PAK3: variants seen among roughly 807,000 people sequenced by gnomAD.
PAK3 encodes p21 (RAC1) activated kinase 3.
Under a neutral mutation model 41.0 loss-of-function variants are expected in PAK3, and 4 were observed. The ratio of observed to expected loss-of-function variants is 0.10; its 90% CI spans 0.05 to 0.22. The LOEUF (loss-of-function observed/expected upper bound fraction) is 0.22. PAK3 is among the 10% of genes least tolerant of loss of function. PAK3 has a pLI of 1.00. For synonymous variants in PAK3, 146 were observed against 139.6 expected (o/e 1.05, Z -0.32); for missense variants, 205 against 409.9 (o/e 0.50, Z 4.32).
At chrX:111,121,280 A>G (rs2093563387) in intron 4 of PAK3, among the ~76,000 whole-genome samples, 1 of 111,535 alleles carries the variant, frequency 9.0e-6, no homozygotes, top group Non-Finnish European at 1.9e-5. Context: ...TTAATTCATT[A>G]AGATAATGCA....
chrX:111,173,525 C>G (rs768008731), intron 11 of PAK3, among the ~76,000 whole-genome samples: 3 of 110,840 alleles, frequency 2.7e-5, no homozygotes, highest in African/African-American at 6.6e-5. Context: ...ATGGAATGAT[C>G]CGGAGGTAGG....
At chrX:111,023,358 G>T (rs781434191) in intron 1 of PAK3, among the ~76,000 whole-genome samples, 98 of 112,134 alleles carry the variant, frequency 8.7e-4, no homozygotes, top group African/African-American at 3.0e-3. Context: ...ACATACATGT[G>T]CATGTGTCTT....
intron 1 of PAK3, among the ~76,000 whole-genome samples, chrX:111,009,175 G>A (rs2091975518): frequency 9.0e-6 from 1 of 111,260 alleles, no homozygotes; most frequent in South Asian, 3.8e-4. Flanking sequence ...GAGGAAGGCA[G>A]GGCTCATTGC....
At chrX:111,025,058 A>G (rs2092249069) in intron 1 of PAK3, among the ~76,000 whole-genome samples, 2 of 111,689 alleles carry the variant, frequency 1.8e-5, no homozygotes, top group African/African-American at 6.5e-5. Context: ...CCTTGGGTAA[A>G]CAATGAAATT....
At chrX:111,212,741 A>G (rs2094835451) in intron 16 of PAK3, among the ~76,000 whole-genome samples, 2 of 112,457 alleles carry the variant, frequency 1.8e-5, no homozygotes, top group Admixed American at 1.9e-4. Flanking sequence ...ATTTTTGTGT[A>G]AATTGGACAC....
chrX:111,176,994 T>G (rs1400122476), intron 11 of PAK3, among the ~76,000 whole-genome samples: 1 of 106,610 alleles, frequency 9.4e-6, no homozygotes, highest in East Asian at 3.0e-4. Flanking sequence ...CACCTCCCAC[T>G]TATATTAACT....
At chrX:111,103,995 G>A (rs180769658) in intron 4 of PAK3, among the ~76,000 whole-genome samples, 3 of 112,142 alleles carry the variant, frequency 2.7e-5, no homozygotes, top group Non-Finnish European at 5.6e-5. Context: ...AGCTCTTCAA[G>A]GGCAGGGACT....
At chrX:111,212,358 T>G (rs1454046306) in intron 16 of PAK3, among the ~76,000 whole-genome samples, 2 of 112,101 alleles carry the variant, frequency 1.8e-5, no homozygotes, top group Non-Finnish European at 3.8e-5. Context: ...TACAACTGTA[T>G]TTGTCTCTCA....
intron 6 of PAK3, among the ~76,000 whole-genome samples, chrX:111,147,409 GA>G (rs889648223): frequency 3.6e-5 from 4 of 109,758 alleles, no homozygotes; most frequent in African/African-American, 1.3e-4. Context: ...TGAGTCGCCA[GA>G]AAAAAAATAA....
chrX:111,025,832 G>T (rs1243318106), intron 1 of PAK3, among the ~76,000 whole-genome samples: 2 of 96,667 alleles, frequency 2.1e-5, no homozygotes, highest in African/African-American at 7.9e-5. Context: ...ACCAGGAAAG[G>T]ATATAACAAA....
At chrX:110,988,528 G>A (rs1374457120) in intron 1 of PAK3, among the ~76,000 whole-genome samples, 1 of 111,664 alleles carries the variant, frequency 9.0e-6, no homozygotes, top group African/African-American at 3.3e-5. Context: ...CATTTCATGA[G>A]GCAATACTTA....
chrX:111,178,009 C>A (rs1402427472), intron 11 of PAK3, among the ~76,000 whole-genome samples: 1 of 111,188 alleles, frequency 9.0e-6, no homozygotes, highest in Admixed American at 9.6e-5. Flanking sequence ...ATCAATGAAC[C>A]TTTAATGAGT....
chrX:111,018,142 T>C (rs1312836268), intron 1 of PAK3, among the ~76,000 whole-genome samples: 1 of 111,727 alleles, frequency 9.0e-6, no homozygotes, highest in Non-Finnish European at 1.9e-5. Context: ...TGCTTAATGG[T>C]AAAAGACTGA....
At chrX:110,983,030 G>A (rs1692152055) in intron 1 of PAK3, among the ~76,000 whole-genome samples, 1 of 110,882 alleles carries the variant, frequency 9.0e-6, no homozygotes, top group African/African-American at 3.3e-5. Flanking sequence ...CCTGGAGTGA[G>A]GAGATTTAGC....
intron 1 of PAK3, among the ~76,000 whole-genome samples, chrX:111,087,745 G>A (rs1184394115): frequency 1.3e-4 from 8 of 61,440 alleles, no homozygotes; most frequent in Non-Finnish European, 2.1e-4. Context: ...AATCAGGACA[G>A]GGACTGCAAA....
intron 1 of PAK3, among the ~76,000 whole-genome samples, chrX:111,036,218 G>A (rs1327640630): frequency 8.9e-6 from 1 of 112,202 alleles, no homozygotes; most frequent in Non-Finnish European, 1.9e-5. Flanking sequence ...TAAGTAGGTA[G>A]ATAGGCTTGT....
intron 1 of PAK3, among the ~76,000 whole-genome samples, chrX:111,005,463 G>C (rs1388078767): frequency 2.7e-5 from 3 of 111,584 alleles, no homozygotes; most frequent in Non-Finnish European, 3.8e-5. Context: ...CTGGCTCCTG[G>C]GATTAGCTGG....
chrX:111,048,867 C>T (rs1421051165), intron 1 of PAK3, among the ~76,000 whole-genome samples: 1 of 112,279 alleles, frequency 8.9e-6, no homozygotes, highest in Non-Finnish European at 1.9e-5. Flanking sequence ...CTTCACAAAA[C>T]CTTCAAAGTG....
rs180750465 is a variant in PAK3, at chrX:111,048,501, A to G, written c.-27-74576A>G. Among the ~76,000 whole-genome samples the G allele has an allele frequency of 2.6e-3, 290 of 111,644 alleles. 3 individuals are homozygous for G. The highest frequency in any genetic ancestry group is 8.0e-3 in the African/African-American group (245 of 30,673). On this transcript the variant is annotated intron_variant, in intron 1 of 14. Transcript: ENST00000425146. ...TAGCATCTCAAATTTTATCATGGCC[A>G]AAAACACCCTCTTGATCTGTGCACT...
Sources: allele counts gnomAD v4.1 joint callset (sites outside exome capture counted in the v4.1 genomes callset), GRCh38; gene constraint gnomAD v4.1.1; transcripts MANE v1.5; gene names NCBI Gene and HGNC (gene_info 2026-07-23, HGNC 2026-07-21).